The following ST6GALNAC4 variants were observed in gnomAD, a reference collection of about 807,000 sequenced individuals.
The protein encoded by ST6GALNAC4 is alpha-N-acetyl-neuraminyl-2,3-beta-galactosyl-1,3-N-acetyl-galactosaminide alpha-2,6-sialyltransferase.
Under a neutral mutation model 30.4 loss-of-function variants are expected in ST6GALNAC4, and 24 were observed. The observed-to-expected ratio is 0.79, with a 90% CI of 0.57 to 1.11. The LOEUF is 1.11. Among genes scored for constraint, ST6GALNAC4 ranks in the 50% most tolerant of loss-of-function variants. ST6GALNAC4 has a pLI of 0.00. For synonymous variants in ST6GALNAC4, 156 were observed against 179.7 expected (o/e 0.87, Z 1.05); for missense variants, 365 against 430.1 (o/e 0.85, Z 1.34).
Position 127,908,419 on chromosome 9 carries a change from G to A in ST6GALNAC4, c.882C>T (p.Phe294=), listed in dbSNP as rs746862996. ...SRWAKKRPIV[F]AHPSWRTE Reference sequence around the variant, plus strand: ...ACTCAGTCCTCCAGGACGGATGGGCGAACACGATGGGCCTCTTCTTGGCCC... The same window carrying A: ...ACTCAGTCCTCCAGGACGGATGGGCAAACACGATGGGCCTCTTCTTGGCCC... Residue 294 remains phenylalanine, a synonymous_variant, in exon 6 of 6, where the codon TTC becomes TTT. Coordinates refer to ENST00000335791, the MANE Select transcript of ST6GALNAC4 (RefSeq NM_175039.4). 21 of 1,582,178 alleles carry A rather than the reference G, an allele frequency of 1.3e-5. No homozygotes were observed. In the South Asian group the frequency reaches 1.8e-4, roughly 14 times the overall value.
Position 127,909,934 on chromosome 9 carries a change from G to T in ST6GALNAC4, c.719+17C>A. The T allele has an allele frequency of 6.2e-7, 1 of 1,611,982 alleles. No homozygotes were observed. The highest frequency in any genetic ancestry group is 1.1e-5 in the South Asian group (1 of 90,934). ...GTCCTCCCCGCGTCCCCGCGTGCCCGGCCTGGCCGGTCTGACCTGCAGTAG... is the reference window on the plus strand; with the variant it reads ...GTCCTCCCCGCGTCCCCGCGTGCCCTGCCTGGCCGGTCTGACCTGCAGTAG... On this transcript the variant is annotated intron_variant, in intron 5 of 5. Transcript: ENST00000335791.
intron 4 of ST6GALNAC4, 30 bp downstream of exon 4, chr9:127,912,238 G>A (rs747686440): frequency 5.7e-6 from 9 of 1,580,040 alleles, no homozygotes; most frequent in Non-Finnish European, 7.8e-6. Context: ...AGCTGCCAGA[G>A]AGACCCCAGC....
rs544098265 is a variant in ST6GALNAC4 at position 127,913,249 on chromosome 9, C to T, written c.199-569G>A. Among the ~76,000 whole-genome samples, 14 of 152,366 alleles carry T rather than the reference C, an allele frequency of 9.2e-5. No individual in the cohort carries two copies. In the South Asian group the frequency reaches 2.9e-3, roughly 32 times the overall value. ...ATGTGGCCTGAAGCCAAGTCACCGGCCTCTGTGCGCCTCAAGTCTCTCATC... is the reference window on the plus strand; with the variant it reads ...ATGTGGCCTGAAGCCAAGTCACCGGTCTCTGTGCGCCTCAAGTCTCTCATC... On this transcript the variant is annotated intron_variant, in intron 3 of 5. Coordinates refer to ENST00000335791, the MANE Select transcript of ST6GALNAC4 (RefSeq NM_175039.4).
At chr9:127,911,648 G>C (rs927334788) in intron 4 of ST6GALNAC4, among the ~76,000 whole-genome samples, 1 of 152,088 alleles carries the variant, frequency 6.6e-6, no homozygotes, top group South Asian at 2.1e-4. Flanking sequence ...CACCACACCC[G>C]GCTAATTTTT....
In ST6GALNAC4 at chr9:127,914,841, C is replaced by A; in HGVS notation, c.13G>T (p.Gly5Cys). Residue 5 changes from glycine (G) to cysteine (C), a missense_variant and splice_region_variant, in exon 3 of 6, where the codon GGT becomes TGT. Physicochemically the swap from Gly to Cys is radical, Grantham distance 159 (BLOSUM62 -3). Coordinates refer to ENST00000335791, the MANE Select transcript of ST6GALNAC4 (RefSeq NM_175039.4). MKAP[G>C]RLVLIILCSV... ...CACAGGATGATGAGCACGAGCCGAC[C>A]CTGAGGGAGACAGTGGCCATGGGGG... 6.7e-7 allele frequency: 1 copy of A among 1,485,240 alleles called. No homozygotes were observed. Among genetic ancestry groups the A allele is most frequent in the Non-Finnish European group, 9.0e-7 (1 of 1,110,586 alleles). 92.0% of individuals were successfully genotyped at this position (1,485,240 alleles called of 1,614,324 possible).
intron 4 of ST6GALNAC4, among the ~76,000 whole-genome samples, chr9:127,911,882 CA>C (rs55899463): frequency 0.2 from 30,815 of 152,116 alleles, 3,555 homozygotes; most frequent in African/African-American, 0.31. Flanking sequence ...CTTGGCCTCC[CA>C]AAATGCTGGG....
At chr9:127,914,310 C>T (rs1022968831) in intron 3 of ST6GALNAC4, among the ~76,000 whole-genome samples, 4 of 147,582 alleles carry the variant, frequency 2.7e-5, no homozygotes, top group Non-Finnish European at 5.9e-5. Flanking sequence ...AGGAGAATCG[C>T]TTGAACCTGG....
At chr9:127,916,600 T>A in intron 1 of ST6GALNAC4, 106 bp from the exon 2 acceptor site, 1 of 659,372 alleles carries the variant, frequency 1.5e-6, no homozygotes, top group African/African-American at 1.8e-5. Context: ...TGAAAGCACA[T>A]GGCACCCGGG....
chr9:127,914,660 C>G lies in ST6GALNAC4; in HGVS notation c.194G>C (p.Gly65Ala). 2 of 1,608,022 alleles carry G rather than the reference C, an allele frequency of 1.2e-6. No homozygotes were observed. The highest frequency in any genetic ancestry group is 1.7e-6 in the Non-Finnish European group (2 of 1,177,396). Residue 65 changes from glycine (G) to alanine (A), a missense_variant, in exon 3 of 6, where the codon GGG (glycine) becomes GCG (alanine). Physicochemically the swap from Gly to Ala is moderately conservative, Grantham distance 60. Transcript: ENST00000335791. ...TGCATTGCCTGGCCCACTCACCTTC[C>G]CATCTGGCACACTGCTATATCCACT... Reference protein sequence around the residue: ...HFSGYSSVPDGKPLVREPCRS... With the variant: ...HFSGYSSVPDAKPLVREPCRS...
chr9:127,913,912 G>A (rs1328206747), intron 3 of ST6GALNAC4, among the ~76,000 whole-genome samples: 3 of 152,268 alleles, frequency 2.0e-5, no homozygotes, highest in South Asian at 2.1e-4. Context: ...CACCTTCACC[G>A]AGCGCATGAT....
Position 127,908,398 on chromosome 9 carries a change from AG to A in ST6GALNAC4, c.902del (p.Thr301MetfsTer45). ...PIVFAHPSWRTE is the reference protein window; with the variant it reads ...PIVFAHPSWRXE ...ACTGGCAGGACGACGGAAGCTACTC[AG>A]TCCTCCAGGACGGATGGGCGAACAC... On this transcript the variant is annotated frameshift_variant, in exon 6 of 6. Transcript: ENST00000335791. LOFTEE classifies it high-confidence loss of function. 1 of 1,548,238 alleles carries A rather than the reference AG, an allele frequency of 6.5e-7. No individual in the cohort carries two copies. Among genetic ancestry groups the A allele is most frequent in the Non-Finnish European group, 8.8e-7 (1 of 1,137,274 alleles).
At chr9:127,914,466 G>A (rs1186368744) in intron 3 of ST6GALNAC4, among the ~76,000 whole-genome samples, 190 bp downstream of exon 3, 1 of 121,158 alleles carries the variant, frequency 8.3e-6, no homozygotes, top group African/African-American at 3.0e-5. Flanking sequence ...ACTCTAGCCT[G>A]GGAGAAACAG....
Position 127,912,347 on chromosome 9 carries a change from C to CG in ST6GALNAC4, c.531dup (p.Gly178ArgfsTer49), listed in dbSNP as rs1288905246. 6.2e-7 allele frequency: 1 copy of CG among 1,614,006 alleles called. No homozygotes were observed. The highest frequency in any genetic ancestry group is 1.3e-5 in the African/African-American group (1 of 74,928). On this transcript the variant is annotated frameshift_variant, in exon 4 of 6. Transcript: ENST00000335791. LOFTEE classifies it high-confidence loss of function. The stretch of plus-strand genomic sequence containing the variant: ...TCCGTGAAGGTGTACACCTGCAGGC[C>CG]GGGGTACATCCTGGTGAGCTGCAGC...
Position 127,908,033 on chromosome 9 carries a change from C to T in ST6GALNAC4, c.*359G>A, listed in dbSNP as rs1062665. 0.063 allele frequency: 10,040 copies of T among 159,474 alleles called. 390 individuals carry two copies. Among genetic ancestry groups the T allele is most frequent in the South Asian group, 0.1 (498 of 4,900 alleles). The allele number at this position is 159,474 out of a possible 1,614,324, so 9.9% of individuals were successfully genotyped here. ...GTGTGGCACCAAAAGGTGGTAGGAG[C>T]GGCTGGGGAGGGAGGACCAGGACTG... is the stretch of plus-strand genomic sequence containing the variant. On this transcript the variant is annotated 3_prime_UTR_variant, in exon 6 of 6. Coordinates refer to ENST00000335791, the MANE Select transcript of ST6GALNAC4 (RefSeq NM_175039.4).
intron 5 of ST6GALNAC4, among the ~76,000 whole-genome samples, chr9:127,908,898 C>G (rs10739699): frequency 0.95 from 143,841 of 152,182 alleles, 68,504 homozygotes; most frequent in Non-Finnish European, 1. Context: ...AGACTGCAGG[C>G]ACCCTGCTAG....
intron 2 of ST6GALNAC4, 88 bp downstream of exon 2, chr9:127,916,320 C>T: frequency 1.3e-6 from 2 of 1,564,406 alleles, no homozygotes; most frequent in South Asian, 2.2e-5. Flanking sequence ...TCAGAAGTGG[C>T]AGTGGGTCCT....
Position 127,909,965 on chromosome 9 carries a change from G to A in ST6GALNAC4, c.705C>T (p.Ser235=), listed in dbSNP as rs188342632. The part of the protein sequence containing the change: ...CEEIVVYGMV[S]DSYCREKSHP... ...GCCGGTCTGACCTGCAGTAGCTGTC[G>A]CTGACCATCCCATAGACCACGATCT... is the stretch of plus-strand genomic sequence containing the variant. The change falls in exon 5 of 6, where the codon AGC becomes AGT. Residue 235 remains serine, a synonymous_variant. Coordinates refer to ENST00000335791, the MANE Select transcript of ST6GALNAC4 (RefSeq NM_175039.4). The A allele has an allele frequency of 1.7e-5, 28 of 1,613,360 alleles. No homozygotes were observed. The East Asian group carries it at 2.9e-4, about 17-fold the overall frequency.
intron 5 of ST6GALNAC4, 46 bp from the exon 6 acceptor site, chr9:127,908,627 C>T (rs774613212): frequency 4.8e-6 from 7 of 1,464,128 alleles, no homozygotes; most frequent in Non-Finnish European, 3.7e-6. Flanking sequence ...ACCCACTCGC[C>T]TCCGGCCACA....
At chr9:127,913,666 C>A (rs1012182804) in intron 3 of ST6GALNAC4, among the ~76,000 whole-genome samples, 1 of 152,072 alleles carries the variant, frequency 6.6e-6, no homozygotes, top group Non-Finnish European at 1.5e-5. Context: ...CGGTGGCTCA[C>A]ACCTGTAATC....
Sources: allele counts gnomAD v4.1 joint callset (sites outside exome capture counted in the v4.1 genomes callset), GRCh38; gene constraint gnomAD v4.1.1; transcripts MANE v1.5; gene names NCBI Gene and HGNC (gene_info 2026-07-23, HGNC 2026-07-21).